The following ZDHHC14 variants were observed in gnomAD, a reference collection of about 807,000 sequenced individuals.
ZDHHC14 encodes palmitoyltransferase ZDHHC14.
ZDHHC14 carries 16 observed loss-of-function variants against 47.7 expected under a neutral mutation model. The ratio of observed to expected loss-of-function variants is 0.34; its 90% confidence interval spans 0.23 to 0.51. ZDHHC14 has a LOEUF of 0.51. Among genes scored for constraint, ZDHHC14 ranks in the 20% least tolerant of loss-of-function variants. The pLI is 0.97. For synonymous variants in ZDHHC14, 293 were observed against 278.9 expected (o/e 1.05, Z -0.50); for missense variants, 515 against 662.5 (o/e 0.78, Z 2.44).
rs1354230631 is a variant in ZDHHC14, at chr6:157,645,679, A to G, written c.753-58A>G. The G allele has an allele frequency of 2.1e-6, 3 of 1,442,750 alleles. No individual in the cohort carries two copies. The African/African-American group carries it at 4.2e-5, about 20-fold the overall frequency. 89.4% of individuals were successfully genotyped at this position (1,442,750 alleles called of 1,614,324 possible). A position where few individuals can be genotyped will look rare whatever the true frequency, so the allele number is the denominator to read the frequency against. ...GGGGGTGTTTCGGTTCCAGGCCTCC[A>G]TCACATCCACTTCTTGCGCGGTCCC... On this transcript the variant is annotated intron_variant, in intron 5 of 8. Transcript: ENST00000359775.
intron 1 of ZDHHC14, among the ~76,000 whole-genome samples, chr6:157,504,548 G>A (rs1336254151): frequency 2.7e-5 from 4 of 147,818 alleles, no homozygotes; most frequent in Non-Finnish European, 5.9e-5. Context: ...CGGCTCCTGG[G>A]TTCAAGCACC....
In ZDHHC14 at chr6:157,556,363, A is replaced by G. The variant is rs138783406; in HGVS notation, c.406+13618A>G. ...CCATCAGTCCTCTCGGCAGCCCTCTAAGCCAGAGGCTACTGTGATTCCCAC... is the reference window on the plus strand; with the variant it reads ...CCATCAGTCCTCTCGGCAGCCCTCTGAGCCAGAGGCTACTGTGATTCCCAC... On this transcript the variant is annotated intron_variant, in intron 2 of 8. Transcript: ENST00000359775. Among the ~76,000 whole-genome samples, 525 of 152,262 alleles carry G rather than the reference A, an allele frequency of 3.4e-3. 6 individuals carry two copies. Among genetic ancestry groups the G allele is most frequent in the African/African-American group, 0.012 (514 of 41,546 alleles).
chr6:157,654,573 C>T (rs773163872), intron 8 of ZDHHC14, among the ~76,000 whole-genome samples: 1 of 151,984 alleles, frequency 6.6e-6, no homozygotes, highest in Non-Finnish European at 1.5e-5. Flanking sequence ...CAAAGAACTG[C>T]AGGGTGGAAG....
rs1164091077 is a variant in ZDHHC14 at position 157,463,135 on chromosome 6, G to A, written c.246-79450G>A. ...TTGGCTATTCAGACATGCACGTGAG[G>A]CAGCTGGAAATGAGATCCTTCCATG... On this transcript the variant is annotated intron_variant, in intron 1 of 8. Transcript: ENST00000359775. This position sits in a 1 kb window ranked among gnomAD's most constrained non-coding sequence, Gnocchi z 4.4. Among the ~76,000 whole-genome samples the A allele has an allele frequency of 6.6e-6, 1 of 152,162 alleles. No homozygotes were observed. Among genetic ancestry groups the A allele is most frequent in the South Asian group, 2.1e-4 (1 of 4,826 alleles).
At chr6:157,515,457 CTTTTTTTT>C (rs1187323622) in intron 1 of ZDHHC14, among the ~76,000 whole-genome samples, 1 of 129,450 alleles carries the variant, frequency 7.7e-6, no homozygotes, top group Non-Finnish European at 1.7e-5. Flanking sequence ...TTTTCTTTTT[CTTTTTTTT>C]TTTTTTTTTT....
At chr6:157,385,598 G>T (rs1444072202) in intron 1 of ZDHHC14, among the ~76,000 whole-genome samples, 1 of 152,244 alleles carries the variant, frequency 6.6e-6, no homozygotes, top group Non-Finnish European at 1.5e-5. Flanking sequence ...CAAGAGAAAT[G>T]AACTTACTAG....
At chr6:157,572,717 C>T (rs1030496548) in intron 2 of ZDHHC14, among the ~76,000 whole-genome samples, 3 of 146,986 alleles carry the variant, frequency 2.0e-5, no homozygotes, top group African/African-American at 7.6e-5. Context: ...TTGTTTACCA[C>T]TGTATCTACA....
chr6:157,414,204 G>A (rs562663335), intron 1 of ZDHHC14, among the ~76,000 whole-genome samples: 3 of 152,104 alleles, frequency 2.0e-5, no homozygotes, highest in Non-Finnish European at 4.4e-5. Context: ...GATTACAGGC[G>A]TGCACCACCA....
chr6:157,427,797 G>A lies in ZDHHC14; in HGVS notation c.245+45531G>A, dbSNP rs921443856. On this transcript the variant is annotated intron_variant, in intron 1 of 8. Transcript: ENST00000359775. The surrounding 1 kb of genome is among the most constrained non-coding windows in gnomAD (Gnocchi z 4.4). ...ACCTTCCATCGGAGTGTGGAAACAG[G>A]TTTTCATCAAGATCCTTTCCATGAC... Among the ~76,000 whole-genome samples, 2 of 152,092 alleles carry A rather than the reference G, an allele frequency of 1.3e-5. No homozygotes were observed. The highest frequency in any genetic ancestry group is 4.8e-5 in the African/African-American group (2 of 41,388).
rs748511833 is a variant in ZDHHC14 at position 157,641,300 on chromosome 6, C to T, written c.753-4437C>T. On this transcript the variant is annotated intron_variant, in intron 5 of 8. Transcript: ENST00000359775. ...GTTGAAGGGAAGCACATTTAAATGT[C>T]GATAGGGATGCCAAATGCTCCTCTT... Among the ~76,000 whole-genome samples, 9 of 152,134 alleles carry T rather than the reference C, an allele frequency of 5.9e-5. No individual in the cohort carries two copies. The South Asian group carries it at 6.2e-4, about 11-fold the overall frequency.
At chr6:157,471,399 C>T (rs868820585) in intron 1 of ZDHHC14, among the ~76,000 whole-genome samples, 50 of 152,212 alleles carry the variant, frequency 3.3e-4, no homozygotes, top group Admixed American at 5.2e-4. Context: ...TGGACTCCCC[C>T]GCCCGCCGAC....
intron 1 of ZDHHC14, among the ~76,000 whole-genome samples, chr6:157,509,165 C>A (rs756349633): frequency 2.0e-5 from 3 of 152,188 alleles, no homozygotes; most frequent in East Asian, 1.9e-4. Flanking sequence ...TCTTCCAACA[C>A]CCCTCTACGC....
At chr6:157,515,500 C>T (rs1200622408) in intron 1 of ZDHHC14, among the ~76,000 whole-genome samples, 1 of 131,402 alleles carries the variant, frequency 7.6e-6, no homozygotes, top group East Asian at 2.3e-4. Flanking sequence ...CTTGCTCTGT[C>T]GCCCAGGCTG....
intron 1 of ZDHHC14, among the ~76,000 whole-genome samples, chr6:157,414,231 C>T (rs1365715751): frequency 6.6e-6 from 1 of 152,188 alleles, no homozygotes; most frequent in South Asian, 2.1e-4. Flanking sequence ...GCTGAGAGAG[C>T]ACTGGGTTCT....
intron 2 of ZDHHC14, among the ~76,000 whole-genome samples, chr6:157,589,085 C>T (rs1783807299): frequency 6.6e-6 from 1 of 151,854 alleles, no homozygotes; most frequent in Non-Finnish European, 1.5e-5. Flanking sequence ...GTATAGGAAG[C>T]ATGGCTGAGG....
At chr6:157,601,415 G>A (rs908152625) in intron 3 of ZDHHC14, among the ~76,000 whole-genome samples, 2 of 152,130 alleles carry the variant, frequency 1.3e-5, no homozygotes, top group East Asian at 1.9e-4. Context: ...ACCATATTTT[G>A]TAGCTGACAA....
chr6:157,399,230 T>C (rs1777582351), intron 1 of ZDHHC14, among the ~76,000 whole-genome samples: 1 of 152,242 alleles, frequency 6.6e-6, no homozygotes, highest in African/African-American at 2.4e-5. Flanking sequence ...TCTTAGTCTC[T>C]TGAGTCAAGA....
rs183560710 is a variant in ZDHHC14 at position 157,623,378 on chromosome 6, C to T, written c.566-4971C>T. On this transcript the variant is annotated intron_variant, in intron 3 of 8. Coordinates refer to ENST00000359775, the MANE Select transcript of ZDHHC14 (RefSeq NM_024630.3). ...CTCTCATTCTTCTCTCTCCTTCTGC[C>T]TTGTGAAGAAGGATGTGTTTGCGTC... 3.5e-4 allele frequency among the ~76,000 whole-genome samples: 54 copies of T among 152,174 alleles called. No homozygotes were observed. In the East Asian group the frequency reaches 4.6e-3, roughly 13 times the overall value.
Position 157,549,562 on chromosome 6 carries a change from G to C in ZDHHC14, c.406+6817G>C, listed in dbSNP as rs187351203. Among the ~76,000 whole-genome samples the C allele has an allele frequency of 1.4e-4, 22 of 152,246 alleles. No individual in the cohort carries two copies. In the East Asian group the frequency reaches 3.1e-3, roughly 21 times the overall value. On this transcript the variant is annotated intron_variant, in intron 2 of 8. Coordinates refer to ENST00000359775, the MANE Select transcript of ZDHHC14 (RefSeq NM_024630.3). ...GGGGGAAGTGCCAGAACCATCTAGA[G>C]TGCATGGATGCCAGGAAGTGGGGCA...
Sources: gnomAD v4.1 joint callset for allele counts (sites outside exome capture counted in the v4.1 genomes callset) on GRCh38, gnomAD v4.1.1 for gene constraint, Gnocchi (gnomAD v3.1) non-coding constraint, MANE v1.5 for transcripts, NCBI Gene and HGNC (gene_info 2026-07-23, HGNC 2026-07-21) for gene names.